Variants in DAB1 observed in about 807,000 individuals in gnomAD.
DAB1 encodes DAB adaptor protein 1.
A neutral mutation model predicts 64.6 loss-of-function variants in DAB1; 15 were observed. The observed-to-expected ratio is 0.23, with a 90% CI of 0.16 to 0.36. The LOEUF (loss-of-function observed/expected upper bound fraction) is 0.36. Among genes scored for constraint, DAB1 ranks in the 10% least tolerant of loss-of-function variants. The probability of loss-of-function intolerance (pLI) is 1.00; values close to 1 mark genes in which losing one functional copy is unlikely to be tolerated. For synonymous variants in DAB1, 235 were observed against 251.9 expected, an observed-to-expected ratio of 0.93 and a Z score of 0.64; for missense variants, 596 against 706.7, an observed-to-expected ratio of 0.84 and a Z score of 1.78.
At chr1:57,753,828 A>C (rs1031346560) in intron 6 of DAB1, among the ~76,000 whole-genome samples, 2 of 152,242 alleles carry the variant, frequency 1.3e-5, no homozygotes, top group Non-Finnish European at 2.9e-5. Flanking sequence ...CAGAGTCGGC[A>C]TTTGAACCTG....
intron 1 of DAB1, among the ~76,000 whole-genome samples, chr1:57,349,489 C>A (rs1331633459): frequency 6.6e-6 from 1 of 152,090 alleles, no homozygotes; most frequent in Admixed American, 6.6e-5. Context: ...GCTGTAGTAT[C>A]TTTTCTCCAA....
At chr1:58,296,087 CTG>C (rs1661966780) in intron 4 of DAB1, among the ~76,000 whole-genome samples, 2 of 106,184 alleles carry the variant, frequency 1.9e-5, no homozygotes, top group Admixed American at 2.3e-4. Flanking sequence ...GAGCGAGACT[CTG>C]TCTCAAAAAA....
chr1:57,834,762 A>C (rs1043831028), intron 1 of DAB1, among the ~76,000 whole-genome samples: 9 of 152,040 alleles, frequency 5.9e-5, no homozygotes, highest in African/African-American at 2.2e-4. Context: ...AATATGATAA[A>C]AGCTATAATT....
At chr1:58,499,010 A>G (rs1160890154) in intron 3 of DAB1, among the ~76,000 whole-genome samples, 1 of 152,156 alleles carries the variant, frequency 6.6e-6, no homozygotes, top group Non-Finnish European at 1.5e-5. Context: ...AGGTTTTCAA[A>G]CAAACCTATA....
intron 5 of DAB1, among the ~76,000 whole-genome samples, chr1:58,012,961 A>G (rs762545199): frequency 2.2e-4 from 34 of 152,104 alleles, no homozygotes; most frequent in Non-Finnish European, 3.7e-4. Flanking sequence ...CCATTTAGTC[A>G]ATATAACTTA....
intron 1 of DAB1, among the ~76,000 whole-genome samples, chr1:57,403,512 C>A (rs956549489): frequency 3.3e-5 from 5 of 152,152 alleles, no homozygotes; most frequent in Admixed American, 6.5e-5. Context: ...TTGTCATTAA[C>A]AACCTAAAGA....
intron 7 of DAB1, among the ~76,000 whole-genome samples, chr1:57,553,404 AAG>A (rs1380906109): frequency 1.5e-4 from 2 of 13,298 alleles, no homozygotes; most frequent in African/African-American, 2.0e-4. Context: ...GAAAGAAAGA[AAG>A]AAAGAAAGAA....
chr1:57,821,870 T>C (rs553155041), downstream of DAB1, among the ~76,000 whole-genome samples: 51 of 152,356 alleles, frequency 3.3e-4, 1 homozygote, highest in South Asian at 0.01. Context: ...ACTGAGCCCC[T>C]GCATGTGCAT....
chr1:57,803,014 G>C (rs1368402681), intron 6 of DAB1, among the ~76,000 whole-genome samples: 1 of 152,140 alleles, frequency 6.6e-6, no homozygotes, highest in Non-Finnish European at 1.5e-5. Context: ...GTGTGTCTCT[G>C]AAGCTGGGGC....
intron 3 of DAB1, among the ~76,000 whole-genome samples, chr1:58,353,449 T>G (rs1027160877): frequency 4.6e-5 from 7 of 152,210 alleles, no homozygotes; most frequent in Non-Finnish European, 8.8e-5. Context: ...ACATTAATGC[T>G]TTACAGATTG....
At chr1:57,941,554 G>A (rs947901422) in intron 5 of DAB1, among the ~76,000 whole-genome samples, 1 of 152,178 alleles carries the variant, frequency 6.6e-6, no homozygotes, top group African/African-American at 2.4e-5. Context: ...GAAATCGAAT[G>A]GGCCGGGCAT....
intron 2 of DAB1, among the ~76,000 whole-genome samples, chr1:57,208,144 A>T (rs1370050110): frequency 6.6e-6 from 1 of 152,218 alleles, no homozygotes; most frequent in Non-Finnish European, 1.5e-5. Context: ...ATTAAGCCAG[A>T]TGCCAGGAAA....
At chr1:57,850,970 G>T (rs1363705527) in intron 1 of DAB1, among the ~76,000 whole-genome samples, 1 of 152,068 alleles carries the variant, frequency 6.6e-6, no homozygotes, top group Non-Finnish European at 1.5e-5. Flanking sequence ...GCCCCCCAAG[G>T]CTTAGCTTCA....
At chr1:58,464,318 A>G (rs1202196982) in intron 3 of DAB1, among the ~76,000 whole-genome samples, 1 of 152,194 alleles carries the variant, frequency 6.6e-6, no homozygotes, top group African/African-American at 2.4e-5. Context: ...TGCCCAGGGC[A>G]TGTCAAGGAT....
At chr1:57,875,932 C>A (rs1644037590) in intron 1 of DAB1, among the ~76,000 whole-genome samples, 1 of 152,182 alleles carries the variant, frequency 6.6e-6, no homozygotes, top group South Asian at 2.1e-4. Context: ...ATTAGTGTTG[C>A]ATTTTCTGCT....
chr1:58,036,606 A>G (rs1647048638), intron 5 of DAB1, among the ~76,000 whole-genome samples: 3 of 152,244 alleles, frequency 2.0e-5, no homozygotes, highest in Non-Finnish European at 4.4e-5. Context: ...CTAGACCTGC[A>G]GCCTTCTACT....
At chr1:58,363,540 C>T (rs920213883) in intron 3 of DAB1, among the ~76,000 whole-genome samples, 2 of 152,146 alleles carry the variant, frequency 1.3e-5, no homozygotes, top group Admixed American at 1.3e-4. Flanking sequence ...TTGATCAGTG[C>T]GAGTTAGTGT....
intron 5 of DAB1, among the ~76,000 whole-genome samples, chr1:58,083,053 T>C (rs1029488231): frequency 1.3e-5 from 2 of 152,216 alleles, no homozygotes; most frequent in Non-Finnish European, 2.9e-5. Context: ...TAAAACAGCA[T>C]AAAACCCTGC....
At position 58,311,396 on chromosome 1, in the gene DAB1, T is replaced by A. The variant is rs544333807; in HGVS notation, n.309+31956A>T. ...CAACACTTATTTCCATTCCTTGGGC[T>A]CCTAATAAAAATAATACCAGCAGCT... On this transcript the variant is annotated intron_variant and non_coding_transcript_variant, in intron 4 of 20. Transcript: ENST00000485760. Among the ~76,000 whole-genome samples the A allele has an allele frequency of 7.3e-4, 53 of 72,148 alleles. 1 individual carries two copies. In the South Asian group the frequency reaches 0.027, roughly 37 times the overall value. 47.3% of individuals were successfully genotyped at this position (72,148 alleles called of 152,430 possible).
Sources: gnomAD v4.1 joint callset for allele counts (sites outside exome capture counted in the v4.1 genomes callset) on GRCh38, gnomAD v4.1.1 for gene constraint, MANE v1.5 for transcripts, NCBI Gene and HGNC (gene_info 2026-07-23, HGNC 2026-07-21) for gene names.